Variants in FBXL13 observed in about 807,000 individuals in gnomAD.
FBXL13 encodes the protein F-box and leucine-rich repeat protein 13.
FBXL13 carries 67 observed loss-of-function variants against 83.6 expected under a neutral mutation model. The ratio of observed to expected loss-of-function variants is 0.80; its 90% CI spans 0.66 to 0.98. The LOEUF (loss-of-function observed/expected upper bound fraction) is 0.98. FBXL13 is among the 50% of genes least tolerant of loss of function. The probability of loss-of-function intolerance (pLI) is 0.00; values close to 1 mark genes in which losing one functional copy is unlikely to be tolerated. For missense variants in FBXL13, 822 were observed against 866.5 expected (o/e 0.95, Z 0.64); for synonymous variants, 272 against 299.5 (o/e 0.91, Z 0.95).
downstream of FBXL13, among the ~76,000 whole-genome samples, chr7:102,812,503 T>G (rs760566607): frequency 6.6e-6 from 1 of 152,210 alleles, no homozygotes; most frequent in African/African-American, 2.4e-5. Flanking sequence ...ACAGAGTTAA[T>G]TGGCGGCATT....
intron 5 of FBXL13, among the ~76,000 whole-genome samples, chr7:103,026,701 C>G (rs552808004): frequency 1.4e-3 from 211 of 152,216 alleles, no homozygotes; most frequent in Non-Finnish European, 2.6e-3. Flanking sequence ...TCTTTTGCTG[C>G]GTGTGTGCTA....
chr7:103,016,947 C>T (rs967118962), intron 6 of FBXL13, among the ~76,000 whole-genome samples: 3 of 152,220 alleles, frequency 2.0e-5, no homozygotes, highest in Non-Finnish European at 4.4e-5. Context: ...CAGACTTAAA[C>T]GTCCCTGTCT....
intron 11 of FBXL13, among the ~76,000 whole-genome samples, chr7:102,888,371 A>T (rs910296956): frequency 2.0e-5 from 3 of 152,088 alleles, no homozygotes; most frequent in Admixed American, 1.3e-4. Context: ...ACCCCATCTC[A>T]ACTAAAAATA....
chr7:102,887,897 G>A (rs190126026), intron 11 of FBXL13, among the ~76,000 whole-genome samples: 1 of 152,248 alleles, frequency 6.6e-6, no homozygotes, highest in East Asian at 1.9e-4. Flanking sequence ...CTGAAGAGTG[G>A]ATAGTTTTCA....
chr7:102,955,398 G>A (rs1321419542), intron 8 of FBXL13, among the ~76,000 whole-genome samples: 2 of 152,022 alleles, frequency 1.3e-5, no homozygotes, highest in African/African-American at 2.4e-5. Flanking sequence ...GCAGGGTGTA[G>A]AAGGAAACTT....
chr7:103,009,546 C>T (rs1791364408), intron 6 of FBXL13, among the ~76,000 whole-genome samples: 1 of 152,214 alleles, frequency 6.6e-6, no homozygotes, highest in Admixed American at 6.5e-5. Context: ...ACACTTTAGA[C>T]TGAGGCAGAA....
chr7:103,068,250 G>T (rs193149905), intron 1 of FBXL13, among the ~76,000 whole-genome samples: 3 of 152,322 alleles, frequency 2.0e-5, no homozygotes, highest in African/African-American at 7.2e-5. Flanking sequence ...AAAACATAGA[G>T]ATTGGTACAT....
At position 102,956,391 on chromosome 7, in the gene FBXL13, A is replaced by G. The variant is rs546724316; in HGVS notation, c.724+7142T>C. On this transcript the variant is annotated intron_variant, in intron 8 of 19. Coordinates refer to ENST00000313221, the Ensembl canonical transcript of FBXL13. ...TATTGATGGAACGTATCTCAAAACA[A>G]TAAGAGCTATTTATGACAAACCCAC... Among the ~76,000 whole-genome samples the G allele has an allele frequency of 2.0e-5, 3 of 152,302 alleles. No homozygotes were observed. The South Asian group carries it at 6.2e-4, about 32-fold the overall frequency.
At chr7:102,874,924 A>C (rs1251911957) in intron 16 of FBXL13, among the ~76,000 whole-genome samples, 1 of 152,232 alleles carries the variant, frequency 6.6e-6, no homozygotes, top group East Asian at 1.9e-4. Context: ...TACAGTCTTT[A>C]AAAATAAAAC....
intron 10 of FBXL13, among the ~76,000 whole-genome samples, chr7:102,926,071 A>G (rs1383423829): frequency 6.6e-6 from 1 of 152,200 alleles, no homozygotes; most frequent in East Asian, 1.9e-4. Context: ...CATTGCTGTA[A>G]GAGTCACAAA....
intron 1 of FBXL13, among the ~76,000 whole-genome samples, chr7:103,069,927 A>C (rs905929323): frequency 5.3e-5 from 8 of 152,046 alleles, no homozygotes; most frequent in African/African-American, 1.4e-4. Flanking sequence ...AAATACAAAA[A>C]AATTAGCCGG....
intron 1 of FBXL13, among the ~76,000 whole-genome samples, chr7:103,069,583 G>C (rs914725972): frequency 6.6e-6 from 1 of 152,146 alleles, no homozygotes; most frequent in African/African-American, 2.4e-5. Context: ...AGCTATGCCT[G>C]AGGAATAGGG....
At chr7:102,834,032 TGAAGGAAGGAAGGAAGGAAG>T (rs199540401) in intron 17 of FBXL13, among the ~76,000 whole-genome samples, 43 of 75,466 alleles carry the variant, frequency 5.7e-4, no homozygotes, top group African/African-American at 2.0e-3. Flanking sequence ...GAAACCATGA[TGAAGGAAGGAAGGAAGGAAG>T]GAAGGAAGGA....
At chr7:103,015,082 CT>C (rs1394644701) in intron 6 of FBXL13, among the ~76,000 whole-genome samples, 4 of 152,108 alleles carry the variant, frequency 2.6e-5, no homozygotes, top group African/African-American at 9.7e-5. Context: ...AAAAACAGAA[CT>C]AAAAACAACC....
At chr7:102,953,973 C>G (rs570623156) in intron 8 of FBXL13, among the ~76,000 whole-genome samples, 1 of 151,752 alleles carries the variant, frequency 6.6e-6, no homozygotes, top group African/African-American at 2.4e-5. Context: ...CCAAGATGGC[C>G]GAATAGGAAC....
At chr7:102,839,427 C>A (rs1386510748) in intron 17 of FBXL13, among the ~76,000 whole-genome samples, 1 of 152,228 alleles carries the variant, frequency 6.6e-6, no homozygotes. Flanking sequence ...TACTTTGTCT[C>A]TGTGTCTTAT....
At chr7:103,074,620 G>A (rs1001617607), upstream of FBXL13, 7 of 1,256,378 alleles carry the variant, frequency 5.6e-6, no homozygotes, top group African/African-American at 1.1e-4. Flanking sequence ...TCCCTCCTCC[G>A]GGAAGTCTTT....
At chr7:103,055,722 G>A in exon 2 of FBXL13, 1 of 1,283,012 alleles carries the variant, frequency 7.8e-7, no homozygotes, top group Non-Finnish European at 1.0e-6. Flanking sequence ...CTCAGGACAT[G>A]TAACAAGTAT....
At chr7:103,070,932 G>A (rs1016184916) in intron 1 of FBXL13, among the ~76,000 whole-genome samples, 2 of 152,182 alleles carry the variant, frequency 1.3e-5, no homozygotes, top group African/African-American at 4.8e-5. Flanking sequence ...CAGATTTGGA[G>A]AGAACAAATA....
Sources: allele counts gnomAD v4.1 joint callset (sites outside exome capture counted in the v4.1 genomes callset), GRCh38; gene constraint gnomAD v4.1.1; transcripts MANE v1.5; gene names NCBI Gene and HGNC (gene_info 2026-07-23, HGNC 2026-07-21).